The following PIAS1 variants were observed in gnomAD, a reference collection of about 807,000 sequenced individuals.
The protein encoded by PIAS1 is E3 SUMO-protein ligase PIAS1.
A neutral mutation model predicts 71.3 loss-of-function variants in PIAS1; 6 were observed. The observed-to-expected ratio is 0.08, with a 90% CI of 0.05 to 0.17. PIAS1 has a LOEUF of 0.17. Among genes scored for constraint, PIAS1 ranks in the 10% least tolerant of loss-of-function variants. The pLI is 1.00. For missense variants in PIAS1, 555 were observed against 793.6 expected, an observed-to-expected ratio of 0.70 and a Z score of 3.61; for synonymous variants, 303 against 292.9, an observed-to-expected ratio of 1.03 and a Z score of -0.35.
chr15:68,133,097 T>C (rs2092698755), intron 2 of PIAS1, among the ~76,000 whole-genome samples: 1 of 152,050 alleles, frequency 6.6e-6, no homozygotes, highest in African/African-American at 2.4e-5. Context: ...TTTAATGATG[T>C]ATCTTAGAGA....
chr15:68,059,709 CAAAAAAAAA>C (rs770069635), intron 1 of PIAS1, among the ~76,000 whole-genome samples: 3 of 76,500 alleles, frequency 3.9e-5, no homozygotes, highest in South Asian at 4.2e-4. Flanking sequence ...CCGTCTCAAA[CAAAAAAAAA>C]AAAAAAAAAA....
chr15:68,073,748 GC>G (rs2092126882), intron 1 of PIAS1, among the ~76,000 whole-genome samples: 2 of 152,116 alleles, frequency 1.3e-5, no homozygotes, highest in Non-Finnish European at 2.9e-5. Flanking sequence ...AGGAGATGGG[GC>G]CTCTGAGTGC....
intron 1 of PIAS1, among the ~76,000 whole-genome samples, chr15:68,069,336 G>T (rs994302717): frequency 6.6e-6 from 1 of 152,162 alleles, no homozygotes; most frequent in East Asian, 1.9e-4. Context: ...TCTCCCTTAC[G>T]CTCCCCTCCT....
intron 2 of PIAS1, among the ~76,000 whole-genome samples, chr15:68,126,090 T>G (rs143250085): frequency 6.6e-6 from 1 of 152,320 alleles, no homozygotes; most frequent in African/African-American, 2.4e-5. Flanking sequence ...TGAAATTTTA[T>G]TGCCATATGA....
rs766691827 is a variant in PIAS1, at chr15:68,164,848, A to G, written c.1008+44A>G. 2.9e-6 allele frequency: 3 copies of G among 1,030,368 alleles called. No homozygotes were observed. In the East Asian group the frequency reaches 7.7e-5, roughly 26 times the overall value. The allele number at this position is 1,030,368 out of a possible 1,614,324, so 63.8% of individuals were successfully genotyped here. A position where few individuals can be genotyped will look rare whatever the true frequency, so the allele number is the denominator to read the frequency against. ...TTGCTTTCCAGAAAGTTTAACATACATTTTCTCTTTTTATTAAGTATTTTT... is the reference window on the plus strand; with the variant it reads ...TTGCTTTCCAGAAAGTTTAACATACGTTTTCTCTTTTTATTAAGTATTTTT... On this transcript the variant is annotated intron_variant, in intron 8 of 13. Transcript: ENST00000249636.
At chr15:68,079,059 T>C (rs999466815) in intron 1 of PIAS1, among the ~76,000 whole-genome samples, 3 of 125,628 alleles carry the variant, frequency 2.4e-5, no homozygotes, top group East Asian at 2.3e-4. Flanking sequence ...TTTTTTTTTT[T>C]CAAAGTGAGA....
At chr15:68,161,125 C>G (rs887587758) in intron 7 of PIAS1, among the ~76,000 whole-genome samples, 12 of 152,060 alleles carry the variant, frequency 7.9e-5, no homozygotes, top group African/African-American at 2.9e-4. Flanking sequence ...AATGCATGGT[C>G]AATATACAAA....
chr15:68,144,553 G>C (rs1357536043), intron 4 of PIAS1, among the ~76,000 whole-genome samples: 1 of 151,984 alleles, frequency 6.6e-6, no homozygotes, highest in East Asian at 1.9e-4. Context: ...CAGGCAGCCA[G>C]GGTCCATGTT....
At chr15:68,091,104 T>C (rs960198938) in intron 2 of PIAS1, among the ~76,000 whole-genome samples, 1 of 152,118 alleles carries the variant, frequency 6.6e-6, no homozygotes, top group African/African-American at 2.4e-5. Context: ...AAGGGGTACT[T>C]TGTTTGAAAT....
At chr15:68,139,940 T>A (rs2092759156) in intron 2 of PIAS1, among the ~76,000 whole-genome samples, 1 of 152,136 alleles carries the variant, frequency 6.6e-6, no homozygotes, top group East Asian at 1.9e-4. Context: ...AATGGTAGCT[T>A]ACTTCACTTT....
chr15:68,182,490 C>CGTGT (rs67774530), intron 12 of PIAS1, among the ~76,000 whole-genome samples: 1,438 of 123,344 alleles, frequency 0.012, 127 homozygotes, highest in African/African-American at 0.035. Context: ...GCTCAGGCTG[C>CGTGT]GTGTGTGTGT....
chr15:68,054,460 G>A lies in PIAS1; in HGVS notation c.24+110G>A, dbSNP rs2091872213. On this transcript the variant is annotated intron_variant, in intron 1 of 13. Transcript: ENST00000249636. This position sits in a 1 kb window ranked among gnomAD's most constrained non-coding sequence, Gnocchi z 4.6. ...GGGCCTCTCGGGCCTGACTCCACCC[G>A]GGCCTGGAGTTGTAGGGAGAGAGGC... is the stretch of plus-strand genomic sequence containing the variant. The A allele has an allele frequency of 1.6e-6, 2 of 1,212,554 alleles. No individual in the cohort carries two copies. Among genetic ancestry groups the A allele is most frequent in the Non-Finnish European group, 1.2e-6 (1 of 850,380 alleles). 75.1% of individuals were successfully genotyped at this position (1,212,554 alleles called of 1,614,324 possible).
intron 2 of PIAS1, among the ~76,000 whole-genome samples, chr15:68,134,557 T>C (rs1164643189): frequency 5.2e-5 from 2 of 38,374 alleles, no homozygotes; most frequent in Non-Finnish European, 1.0e-4. Context: ...CACTTCCCAG[T>C]AGGGGCGGCC....
At chr15:68,099,531 G>GT in intron 2 of PIAS1, among the ~76,000 whole-genome samples, 1 of 151,900 alleles carries the variant, frequency 6.6e-6, no homozygotes, top group East Asian at 1.9e-4. Context: ...CATTTTGGTT[G>GT]TTTACAGTTT....
rs148259957 is a variant in PIAS1, at chr15:68,068,054, TGGAGA to T, written c.24+13708_24+13712del. On this transcript the variant is annotated intron_variant, in intron 1 of 13. Transcript: ENST00000249636. ...AAGAGGAGGATTCCGTAGGAGAAGG[TGGAGA>T]GGAAAGTTTTGGAGACCTGAAAATA... Among the ~76,000 whole-genome samples the T allele has an allele frequency of 6.1e-3, 931 of 152,174 alleles. 3 individuals are homozygous for T. The highest frequency in any genetic ancestry group is 0.032 in the East Asian group (167 of 5,180).
Position 68,153,645 on chromosome 15 carries a change from A to G in PIAS1, c.884A>G (p.Gln295Arg), listed in dbSNP as rs1188164647. 1 of 1,597,602 alleles carries G rather than the reference A, an allele frequency of 6.3e-7. No individual in the cohort carries two copies. Among genetic ancestry groups the G allele is most frequent in the East Asian group, 2.2e-5 (1 of 44,676 alleles). Residue 295 changes from glutamine to arginine, a missense_variant, in exon 7 of 14, where the codon CAG becomes CGG. Gln to Arg is a conservative substitution (Grantham distance 43, BLOSUM62 1). This residue lies in a region of PIAS1 where 49 missense variants were observed against 129.2 expected (regional missense o/e 0.38). Transcript: ENST00000249636. ...CAGTTGTCCTCAACAGTTCTTCTTCAGAGGTTACGAGCAAAGGGAATAAGG... is the reference window on the plus strand; with the variant it reads ...CAGTTGTCCTCAACAGTTCTTCTTCGGAGGTTACGAGCAAAGGGAATAAGG... The part of the protein sequence containing the change: ...VKQLSSTVLL[Q>R]RLRAKGIRNP...
rs1057492844 is a variant in PIAS1 at position 68,174,389 on chromosome 15, C to A, written c.1169+497C>A. Among the ~76,000 whole-genome samples the A allele has an allele frequency of 6.6e-6, 1 of 152,174 alleles. No individual in the cohort carries two copies. The highest frequency in any genetic ancestry group is 2.4e-5 in the African/African-American group (1 of 41,436). On this transcript the variant is annotated intron_variant, in intron 9 of 13. Coordinates refer to ENST00000249636, the MANE Select transcript of PIAS1 (RefSeq NM_016166.3). The surrounding 1 kb of genome is among the most constrained non-coding windows in gnomAD (Gnocchi z 4.0). ...TATAGCATCACAAAACCAATTATTGCTTTTAACACCTCTTTGTTTTATCTA... is the reference window on the plus strand; with the variant it reads ...TATAGCATCACAAAACCAATTATTGATTTTAACACCTCTTTGTTTTATCTA...
At position 68,069,752 on chromosome 15, in the gene PIAS1, C is replaced by T. The variant is rs529138121; in HGVS notation, c.24+15402C>T. ...CTGGGAGGCGGAGCTTGCAGTGAGC[C>T]GACATTGTGCCACTGCACTCCAGCC... On this transcript the variant is annotated intron_variant, in intron 1 of 13. Transcript: ENST00000249636. Among the ~76,000 whole-genome samples the T allele has an allele frequency of 5.4e-5, 8 of 148,114 alleles. No individual in the cohort carries two copies. In the East Asian group the frequency reaches 7.9e-4, roughly 15 times the overall value.
Position 68,173,377 on chromosome 15 carries a change from A to G in PIAS1, c.1009-355A>G, listed in dbSNP as rs1182095747. ...GCAAGACCCCATCTGTTTAAAAAAAAAAAACTGGTGAAAGCACTCTCTCCA... is the reference window on the plus strand; with the variant it reads ...GCAAGACCCCATCTGTTTAAAAAAAGAAAACTGGTGAAAGCACTCTCTCCA... On this transcript the variant is annotated intron_variant, in intron 8 of 13. Transcript: ENST00000249636. The surrounding 1 kb of genome is among the most constrained non-coding windows in gnomAD (Gnocchi z 4.3). Among the ~76,000 whole-genome samples, 1 of 152,146 alleles carries G rather than the reference A, an allele frequency of 6.6e-6. No individual in the cohort carries two copies. The highest frequency in any genetic ancestry group is 1.9e-4 in the East Asian group (1 of 5,194).
Sources: allele counts gnomAD v4.1 joint callset (sites outside exome capture counted in the v4.1 genomes callset), GRCh38; gene constraint gnomAD v4.1.1; regional missense constraint gnomAD v4.1.1; non-coding constraint Gnocchi (gnomAD v3.1); transcripts MANE v1.5; gene names NCBI Gene and HGNC (gene_info 2026-07-23, HGNC 2026-07-21).